L3MBTL3: variants seen among roughly 807,000 people sequenced by gnomAD.
L3MBTL3 encodes the protein lethal(3)malignant brain tumor-like protein 3.
In L3MBTL3, 27 loss-of-function variants were observed where a neutral mutation model predicts 102.3. That is an observed-to-expected ratio of 0.26 (90% CI 0.19 to 0.36). L3MBTL3 has a LOEUF of 0.36. L3MBTL3 is among the 10% of genes least tolerant of loss of function. The pLI is 1.00. For synonymous variants in L3MBTL3, 340 were observed against 320.9 expected, an observed-to-expected ratio of 1.06 and a Z score of -0.64; for missense variants, 798 against 955.3, an observed-to-expected ratio of 0.84 and a Z score of 2.17.
At chr6:130,028,182 C>T (rs1047330174) in intron 2 of L3MBTL3, among the ~76,000 whole-genome samples, 3 of 151,040 alleles carry the variant, frequency 2.0e-5, no homozygotes, top group Non-Finnish European at 4.4e-5. Flanking sequence ...CTTACAGTAA[C>T]ACAGAAGGGC....
rs776386855 is a variant in L3MBTL3, at chr6:130,066,393, C to T, written c.905C>T (p.Ser302Phe). 2.5e-6 allele frequency: 4 copies of T among 1,609,650 alleles called. No homozygotes were observed. The South Asian group carries it at 4.4e-5, about 18-fold the overall frequency. The stretch of plus-strand genomic sequence containing the variant: ...ATAAAGCTTCACTTTGATGGGTATT[C>T]TGATTGCTATGACTTCTGGGTGAAT... ...YRIKLHFDGY[S>F]DCYDFWVNAD... The change falls in exon 11 of 23, where the codon TCT becomes TTT. Residue 302 changes from serine (S) to phenylalanine (F), a missense_variant. Transcript: ENST00000361794.
intron 17 of L3MBTL3, 120 bp downstream of exon 17, chr6:130,092,979 A>C: frequency 1.8e-6 from 1 of 571,298 alleles, no homozygotes; most frequent in South Asian, 2.6e-5. Context: ...TCTCTATGTA[A>C]TCCCTTCCTT....
At chr6:130,029,619 C>T (rs1456493101) in intron 2 of L3MBTL3, among the ~76,000 whole-genome samples, 2 of 152,212 alleles carry the variant, frequency 1.3e-5, no homozygotes, top group Non-Finnish European at 2.9e-5. Flanking sequence ...AAATCTGAGT[C>T]ATACCATTGT....
chr6:130,065,546 C>T (rs1260935037), intron 10 of L3MBTL3, among the ~76,000 whole-genome samples: 1 of 152,194 alleles, frequency 6.6e-6, no homozygotes, highest in Non-Finnish European at 1.5e-5. Flanking sequence ...TGCCCTGGCT[C>T]TGCACTCTGG....
intron 10 of L3MBTL3, among the ~76,000 whole-genome samples, chr6:130,065,601 G>A (rs921845349): frequency 5.9e-5 from 9 of 152,216 alleles, no homozygotes; most frequent in Non-Finnish European, 1.2e-4. Flanking sequence ...CACTCCTGGA[G>A]CGGGTAGAGG....
intron 7 of L3MBTL3, among the ~76,000 whole-genome samples, chr6:130,053,566 T>C (rs4351283): frequency 0.54 from 80,825 of 149,978 alleles, 25,123 homozygotes; most frequent in East Asian, 0.76. Context: ...ACCTGGGAGG[T>C]GGAGCTTGCA....
intron 20 of L3MBTL3, among the ~76,000 whole-genome samples, chr6:130,132,941 G>A (rs931509193): frequency 6.6e-6 from 1 of 151,928 alleles, no homozygotes; most frequent in Non-Finnish European, 1.5e-5. Flanking sequence ...AATTGAATTG[G>A]CTATTTAAAA....
intron 13 of L3MBTL3, among the ~76,000 whole-genome samples, chr6:130,076,800 G>C (rs568083285): frequency 3.3e-5 from 5 of 152,178 alleles, no homozygotes; most frequent in African/African-American, 1.2e-4. Context: ...AGTGTTGTTT[G>C]CTTATTAAGA....
intron 19 of L3MBTL3, among the ~76,000 whole-genome samples, chr6:130,120,237 A>C (rs1448270333): frequency 6.6e-6 from 1 of 152,150 alleles, no homozygotes; most frequent in East Asian, 1.9e-4. Context: ...TTTTTTTAAA[A>C]AAACAAACAA....
intron 13 of L3MBTL3, among the ~76,000 whole-genome samples, chr6:130,075,867 T>A (rs1298899162): frequency 2.6e-5 from 4 of 152,174 alleles, no homozygotes; most frequent in African/African-American, 9.7e-5. Context: ...AAAAGGAAAA[T>A]TTGATACGAG....
At chr6:130,035,980 TTGTGTGTGTGTGTGTGTG>T (rs71709041) in intron 2 of L3MBTL3, among the ~76,000 whole-genome samples, 3 of 149,210 alleles carry the variant, frequency 2.0e-5, no homozygotes, top group South Asian at 2.1e-4. Context: ...CCTACCTGTT[TTGTGTGTGTGTGTGTGTG>T]TGTGTGTGTG....
At chr6:130,054,934 C>A (rs534740987) in intron 7 of L3MBTL3, among the ~76,000 whole-genome samples, 1 of 152,248 alleles carries the variant, frequency 6.6e-6, no homozygotes, top group South Asian at 2.1e-4. Flanking sequence ...TTTCAAGGAG[C>A]GGGGAGCGGT....
Position 130,133,643 on chromosome 6 carries a change from G to A in L3MBTL3, c.2136+22G>A. On this transcript the variant is annotated intron_variant, in intron 21 of 22. Coordinates refer to ENST00000361794, the MANE Select transcript of L3MBTL3 (RefSeq NM_032438.4). This position sits in a 1 kb window ranked among gnomAD's most constrained non-coding sequence, Gnocchi z 4.9. ...CGAGGTATATTTTATTTTCTTTGCT[G>A]CCCGACACCAGATACAGGATTACTG... The A allele has an allele frequency of 6.2e-7, 1 of 1,610,342 alleles. No homozygotes were observed. Among genetic ancestry groups the A allele is most frequent in the Non-Finnish European group, 8.5e-7 (1 of 1,179,306 alleles).
chr6:130,059,180 C>G (rs998307970), intron 9 of L3MBTL3, among the ~76,000 whole-genome samples: 1 of 152,046 alleles, frequency 6.6e-6, no homozygotes, highest in African/African-American at 2.4e-5. Context: ...CTCTTATAGC[C>G]CTGCCCCCCC....
chr6:130,099,574 T>C (rs1784564404), intron 18 of L3MBTL3, among the ~76,000 whole-genome samples: 1 of 152,222 alleles, frequency 6.6e-6, no homozygotes, highest in South Asian at 2.1e-4. Flanking sequence ...CATATGTCAC[T>C]TGTGTTCTTT....
chr6:130,028,980 G>A (rs979905952), intron 2 of L3MBTL3, among the ~76,000 whole-genome samples: 1 of 152,002 alleles, frequency 6.6e-6, no homozygotes, highest in African/African-American at 2.4e-5. Flanking sequence ...CTCTCCCCAA[G>A]CCCCTTCCAT....
rs192474082 is a variant in L3MBTL3 at position 130,030,203 on chromosome 6, A to G, written c.-16+7898A>G. Among the ~76,000 whole-genome samples the G allele has an allele frequency of 2.6e-5, 4 of 152,174 alleles. No homozygotes were observed. The East Asian group carries it at 7.7e-4, about 29-fold the overall frequency. ...TAACTGTAACTTTTACATACCAAGC[A>G]TTCACTGTGTGCAAAGCACTCTAGT... On this transcript the variant is annotated intron_variant, in intron 2 of 22. Transcript: ENST00000361794.
intron 3 of L3MBTL3, among the ~76,000 whole-genome samples, chr6:130,044,342 C>T (rs1169976774): frequency 2.0e-5 from 3 of 152,042 alleles, no homozygotes; most frequent in Non-Finnish European, 2.9e-5. Context: ...TTTTTAATTG[C>T]TTTACTCCTT....
intron 2 of L3MBTL3, among the ~76,000 whole-genome samples, chr6:130,037,026 T>G (rs1780107780): frequency 6.6e-6 from 1 of 152,168 alleles, no homozygotes; most frequent in Non-Finnish European, 1.5e-5. Context: ...CAGTGTAGAC[T>G]AGAGGGTTGA....
Sources: gnomAD v4.1 joint callset for allele counts (sites outside exome capture counted in the v4.1 genomes callset) on GRCh38, gnomAD v4.1.1 for gene constraint, Gnocchi (gnomAD v3.1) non-coding constraint, MANE v1.5 for transcripts, NCBI Gene and HGNC (gene_info 2026-07-23, HGNC 2026-07-21) for gene names.